The following PATJ variants were observed in gnomAD, a reference collection of about 807,000 sequenced individuals.
PATJ encodes PATJ crumbs cell polarity complex component.
In PATJ, 190 loss-of-function variants were observed where a neutral mutation model predicts 224.9. The ratio of observed to expected loss-of-function variants is 0.84; its 90% CI spans 0.75 to 0.95. The LOEUF is 0.95. Among genes scored for constraint, PATJ ranks in the 40% least tolerant of loss-of-function variants. The probability of loss-of-function intolerance (pLI) is 0.00; values close to 1 mark genes in which losing one functional copy is unlikely to be tolerated. For missense variants in PATJ, 2,121 were observed against 2,270.3 expected, an observed-to-expected ratio of 0.93 and a Z score of 1.34; for synonymous variants, 769 against 820.3, an observed-to-expected ratio of 0.94 and a Z score of 1.07.
At chr1:61,760,619 CTTTTTTTTT>C (rs200693394) in intron 1 of PATJ, among the ~76,000 whole-genome samples, 13 of 135,486 alleles carry the variant, frequency 9.6e-5, no homozygotes, top group African/African-American at 1.9e-4. Flanking sequence ...TTTTCTTTTT[CTTTTTTTTT>C]TTTTTTGAGA....
Position 62,144,748 on chromosome 1 carries a change from G to T in PATJ, c.5272-3536G>T, listed in dbSNP as rs146230718. 4.3e-3 allele frequency among the ~76,000 whole-genome samples: 456 copies of T among 107,116 alleles called. 21 individuals carry two copies. In the East Asian group the frequency reaches 0.18, roughly 42 times the overall value. The allele number at this position is 107,116 out of a possible 152,430, so 70.3% of individuals were successfully genotyped here. A position where few individuals can be genotyped will look rare whatever the true frequency, so the allele number is the denominator to read the frequency against. ...GAGCTATACTATATTTCTTCTAAAT[G>T]CTCTAGAATGTTATTTGCAAAAAAA... On this transcript the variant is annotated intron_variant, in intron 41 of 43. Coordinates refer to ENST00000642238, the MANE Select transcript of PATJ (RefSeq NM_001350145.3).
chr1:62,004,648 A>G (rs978343703), intron 28 of PATJ, among the ~76,000 whole-genome samples: 7 of 152,210 alleles, frequency 4.6e-5, no homozygotes, highest in South Asian at 2.1e-4. Flanking sequence ...TGACGTAACC[A>G]TGCAGTTCTC....
At chr1:61,950,205 AAAAT>A (rs1453043831) in intron 27 of PATJ, among the ~76,000 whole-genome samples, 4 of 152,246 alleles carry the variant, frequency 2.6e-5, no homozygotes, top group Non-Finnish European at 5.9e-5. Flanking sequence ...CTCCACCTAA[AAAAT>A]AAATAAATAA....
At chr1:61,767,605 G>A (rs1420172640) in intron 4 of PATJ, among the ~76,000 whole-genome samples, 1 of 151,676 alleles carries the variant, frequency 6.6e-6, no homozygotes, top group African/African-American at 2.4e-5. Flanking sequence ...TTTAAGGTGT[G>A]ATAATTAAAT....
At chr1:61,950,963 A>G (rs1679571544) in intron 27 of PATJ, among the ~76,000 whole-genome samples, 1 of 152,294 alleles carries the variant, frequency 6.6e-6, no homozygotes, top group East Asian at 1.9e-4. Context: ...CCTGGTCAAC[A>G]TGGTGAAACC....
At position 61,927,801 on chromosome 1, in the gene PATJ, A is replaced by C; in HGVS notation, c.3642A>C (p.Glu1214Asp). The change falls in exon 27 of 44, where the codon GAA becomes GAC. Residue 1214 changes from glutamate (E) to aspartate (D), a missense_variant. Glu to Asp is a conservative substitution (Grantham distance 45). Coordinates refer to ENST00000642238, the MANE Select transcript of PATJ (RefSeq NM_001350145.3). Reference protein sequence around the residue: ...PYKALTDDSDENEEEDAFTDQ... With the variant: ...PYKALTDDSDDNEEEDAFTDQ... ...AAGCTCTGACTGATGACAGTGATGAAAATGAAGAAGAAGATGCCTTTACCG... is the reference window on the plus strand; with the variant it reads ...AAGCTCTGACTGATGACAGTGATGACAATGAAGAAGAAGATGCCTTTACCG... 1 of 1,613,480 alleles carries C rather than the reference A, an allele frequency of 6.2e-7. No individual in the cohort carries two copies. The highest frequency in any genetic ancestry group is 1.1e-5 in the South Asian group (1 of 90,968).
At chr1:61,979,732 G>A (rs1226295231) in intron 27 of PATJ, among the ~76,000 whole-genome samples, 2 of 151,824 alleles carry the variant, frequency 1.3e-5, no homozygotes, top group African/African-American at 4.8e-5. Flanking sequence ...ATAAGGAAAT[G>A]AAGTCCCAAG....
intron 27 of PATJ, among the ~76,000 whole-genome samples, chr1:61,934,703 C>A (rs1201449508): frequency 6.6e-6 from 1 of 152,078 alleles, no homozygotes; most frequent in Non-Finnish European, 1.5e-5. Context: ...TAATATCTGT[C>A]TTCCCCACTT....
intron 28 of PATJ, among the ~76,000 whole-genome samples, chr1:61,994,281 C>G (rs566316449): frequency 3.9e-4 from 59 of 152,274 alleles, no homozygotes; most frequent in African/African-American, 1.2e-3. Context: ...CACAGAGCTT[C>G]CAGTCTAGTG....
intron 9 of PATJ, among the ~76,000 whole-genome samples, chr1:61,795,099 TAAA>T (rs78496504): frequency 6.9e-5 from 7 of 101,194 alleles, no homozygotes; most frequent in African/African-American, 3.9e-5. Context: ...ATAGTGATGG[TAAA>T]AAAAAAAAAA....
intron 27 of PATJ, among the ~76,000 whole-genome samples, chr1:61,940,442 C>A (rs962457847): frequency 6.6e-6 from 1 of 151,998 alleles, no homozygotes. Flanking sequence ...TCTAGCCGGG[C>A]GCAGTGGTTC....
intron 27 of PATJ, among the ~76,000 whole-genome samples, chr1:61,972,412 C>T (rs946252730): frequency 4.6e-5 from 7 of 151,972 alleles, no homozygotes; most frequent in Non-Finnish European, 1.0e-4. Flanking sequence ...TGTTCTTTCT[C>T]ATAATACTAT....
intron 17 of PATJ, among the ~76,000 whole-genome samples, chr1:61,845,425 A>G (rs1025730929): frequency 2.0e-5 from 3 of 152,220 alleles, no homozygotes; most frequent in African/African-American, 7.2e-5. Flanking sequence ...TTGTCATTCT[A>G]GAGAAACATA....
intron 29 of PATJ, among the ~76,000 whole-genome samples, chr1:62,034,665 A>C (rs925698094): frequency 6.6e-6 from 1 of 152,172 alleles, no homozygotes; most frequent in Non-Finnish European, 1.5e-5. Flanking sequence ...GGATGTGACC[A>C]CTAACCATTA....
At chr1:62,119,982 C>T (rs719104) in intron 37 of PATJ, among the ~76,000 whole-genome samples, 38,585 of 151,966 alleles carry the variant, frequency 0.25, 7,691 homozygotes, top group East Asian at 0.73. Context: ...GGCAAACACA[C>T]CTTTCTGAAA....
chr1:62,124,687 C>T (rs946535744), intron 39 of PATJ, among the ~76,000 whole-genome samples: 9 of 152,120 alleles, frequency 5.9e-5, no homozygotes, highest in Non-Finnish European at 1.3e-4. Context: ...CCTGAGGCCC[C>T]CCTCCTTGGC....
chr1:61,831,617 A>G (rs575049226), intron 16 of PATJ, among the ~76,000 whole-genome samples: 1 of 152,368 alleles, frequency 6.6e-6, no homozygotes, highest in South Asian at 2.1e-4. Context: ...ATGCAAATCA[A>G]AACTACAATG....
chr1:62,156,880 C>T lies in PATJ; in HGVS notation c.5502+3399C>T, dbSNP rs12732558. 3.3e-3 allele frequency among the ~76,000 whole-genome samples: 487 copies of T among 145,868 alleles called. 19 individuals are homozygous for T. The East Asian group carries it at 0.088, about 26-fold the overall frequency. On this transcript the variant is annotated intron_variant, in intron 43 of 43. Coordinates refer to ENST00000642238, the MANE Select transcript of PATJ (RefSeq NM_001350145.3). The stretch of plus-strand genomic sequence containing the variant: ...GCAGTGAGCTGTGATCACACCACTG[C>T]ACTCCAGCCTGGGCAACAGAATAAG...
At chr1:62,148,925 G>A (rs1408199035) in intron 42 of PATJ, among the ~76,000 whole-genome samples, 2 of 152,064 alleles carry the variant, frequency 1.3e-5, no homozygotes, top group East Asian at 1.9e-4. Context: ...TCAGGAGTTC[G>A]AGACCAGCCT....
Sources: gnomAD v4.1 joint callset for allele counts (sites outside exome capture counted in the v4.1 genomes callset) on GRCh38, gnomAD v4.1.1 for gene constraint, MANE v1.5 for transcripts, NCBI Gene and HGNC (gene_info 2026-07-23, HGNC 2026-07-21) for gene names.